OTOG: variants seen among roughly 807,000 people sequenced by gnomAD.
The protein encoded by OTOG is otogelin.
Under a neutral mutation model 313.8 loss-of-function variants are expected in OTOG, and 296 were observed. That is an observed-to-expected ratio of 0.94 (90% CI 0.86 to 1.04). OTOG has a LOEUF of 1.04. Among genes scored for constraint, OTOG ranks in the 50% least tolerant of loss-of-function variants. The probability of loss-of-function intolerance (pLI) is 0.00; values close to 1 mark genes in which losing one functional copy is unlikely to be tolerated. For synonymous variants in OTOG, 1,533 were observed against 1,554.9 expected, an observed-to-expected ratio of 0.99 and a Z score of 0.33; for missense variants, 3,948 against 3,840.1, an observed-to-expected ratio of 1.03 and a Z score of -0.74.
At chr11:17,609,260 A>G in intron 35 of OTOG, 51 bp downstream of exon 35, 4 of 1,489,864 alleles carry the variant, frequency 2.7e-6, no homozygotes, top group Non-Finnish European at 3.7e-6. Context: ...CTAAGTCCCT[A>G]GGGTCTCACT....
chr11:17,593,689 A>G lies in OTOG; in HGVS notation c.3221A>G (p.Gln1074Arg), dbSNP rs562773231. ...VGFFTLVHFP[Q>R]EHITLLWDQR... ...TTTTTCACACTGGTGCATTTCCCAC[A>G]GGAGCACATCACCCTCTTGTGGGAC... Residue 1074 changes from glutamine to arginine, a missense_variant, in exon 27 of 56, where the codon CAG (glutamine) becomes CGG (arginine). Coordinates refer to ENST00000399397, the MANE Select transcript of OTOG (RefSeq NM_001292063.2). The G allele has an allele frequency of 1.0e-5, 16 of 1,548,960 alleles. No homozygotes were observed. Among genetic ancestry groups the G allele is most frequent in the Non-Finnish European group, 1.4e-5 (16 of 1,146,992 alleles).
At chr11:17,639,947 T>C (rs1163684919) in intron 49 of OTOG, among the ~76,000 whole-genome samples, 1 of 129,398 alleles carries the variant, frequency 7.7e-6, no homozygotes, top group Non-Finnish European at 1.6e-5. Flanking sequence ...GATAATGCAA[T>C]GATGGTGGTG....
intron 35 of OTOG, 123 bp downstream of exon 35, chr11:17,609,332 G>A (rs533672878): frequency 1.1e-6 from 1 of 884,068 alleles, no homozygotes; most frequent in Admixed American, 2.3e-5. Flanking sequence ...GGGACCTTTG[G>A]AAAGAGGCAC....
chr11:17,612,182 C>T lies in OTOG; in HGVS notation c.6144C>T (p.Cys2048=), dbSNP rs754783066. The T allele has an allele frequency of 4.5e-6, 7 of 1,549,384 alleles. No individual in the cohort carries two copies. The highest frequency in any genetic ancestry group is 1.4e-5 in the African/African-American group (1 of 73,028). Residue 2048 remains cysteine, a synonymous_variant, in exon 37 of 56, where the codon TGC becomes TGT. Coordinates refer to ENST00000399397, the MANE Select transcript of OTOG (RefSeq NM_001292063.2). ...CCCAGCCAATCGCCGAGCAGGACTG[C>T]GTCCGCCACATCTGCCTGGAGGGCC... ...TTCVPIAEQD[C]VRHICLEGQL...
At chr11:17,580,841 C>CA (rs1219868750) in intron 23 of OTOG, among the ~76,000 whole-genome samples, 1 of 152,158 alleles carries the variant, frequency 6.6e-6, no homozygotes, top group Non-Finnish European at 1.5e-5. Context: ...GTTTTAAGCA[C>CA]AAAAACAGAG....
rs150138913 is a variant in OTOG, at chr11:17,609,169, C to T, written c.4314C>T (p.Val1438=). Reference sequence around the variant, plus strand: ...TCCCTGTGTGCCCCACCCCCCAGGTCCTGGATGAAGTCACACAGAGATGTG... The same window carrying T: ...TCCCTGTGTGCCCCACCCCCCAGGTTCTGGATGAAGTCACACAGAGATGTG... ...GCVPVCPTPQ[V]LDEVTQRCVY... The change falls in exon 35 of 56, where the codon GTC becomes GTT. Residue 1438 remains valine (V), a synonymous_variant. Transcript: ENST00000399397. 1.4e-4 allele frequency: 217 copies of T among 1,550,560 alleles called. No individual in the cohort carries two copies. The African/African-American group carries it at 2.6e-3, about 18-fold the overall frequency.
chr11:17,579,520 C>A lies in OTOG; in HGVS notation c.2759+994C>A, dbSNP rs978887297. Among the ~76,000 whole-genome samples the A allele has an allele frequency of 2.6e-5, 4 of 152,092 alleles. No individual in the cohort carries two copies. The South Asian group carries it at 6.2e-4, about 24-fold the overall frequency. On this transcript the variant is annotated intron_variant, in intron 23 of 55. Transcript: ENST00000399397. ...CTTACTCCAAGCCCAGCCGCTGGCC[C>A]AGAGCACATGAGGTCCGTGATGGTC...
rs756197661 is a variant in OTOG at position 17,613,687 on chromosome 11, C to T, written c.6514C>T (p.Arg2172Cys). The change falls in exon 39 of 56, where the codon CGC (arginine) becomes TGC (cysteine). Residue 2172 changes from arginine to cysteine, a missense_variant. Coordinates refer to ENST00000399397, the MANE Select transcript of OTOG (RefSeq NM_001292063.2). ...CTTGGCCCATCAGGTCACTATTGAT[C>T]GCTTCAACCGAAAGGTGAGTGCATC... ...THLAHQVTID[R>C]FNRKVTVDLQ... 9.7e-6 allele frequency: 15 copies of T among 1,550,632 alleles called. No homozygotes were observed. Among genetic ancestry groups the T allele is most frequent in the Admixed American group, 2.0e-5 (1 of 50,994 alleles).
intron 3 of OTOG, among the ~76,000 whole-genome samples, chr11:17,549,364 A>G (rs775014983): frequency 6.6e-6 from 1 of 152,210 alleles, no homozygotes; most frequent in Non-Finnish European, 1.5e-5. Context: ...CCCTTTGGAA[A>G]TAGACATGAA....
chr11:17,644,555 G>A (rs891242689), intron 54 of OTOG, among the ~76,000 whole-genome samples: 1 of 152,220 alleles, frequency 6.6e-6, no homozygotes, highest in Non-Finnish European at 1.5e-5. Context: ...GGGAGAGACA[G>A]AATAACAAGT....
At chr11:17,638,743 C>T (rs1198807937) in intron 48 of OTOG, 194 bp downstream of exon 48, 11 of 1,544,878 alleles carry the variant, frequency 7.1e-6, no homozygotes, top group Non-Finnish European at 9.6e-6. Flanking sequence ...AGCCTTTTCT[C>T]TCTAGGATAA....
chr11:17,588,190 G>A (rs750209441), intron 24 of OTOG, among the ~76,000 whole-genome samples: 2 of 152,172 alleles, frequency 1.3e-5, no homozygotes, highest in Non-Finnish European at 2.9e-5. Context: ...AGATGGGCAA[G>A]TTTTTACTTT....
chr11:17,597,944 T>C (rs1853153938), intron 30 of OTOG, among the ~76,000 whole-genome samples: 1 of 152,210 alleles, frequency 6.6e-6, no homozygotes, highest in African/African-American at 2.4e-5. Flanking sequence ...TAGGGTACTG[T>C]GAGGTTTAAA....
rs1185407012 is a variant in OTOG at position 17,555,787 on chromosome 11, T to G, written c.549T>G (p.Asn183Lys). The G allele has an allele frequency of 6.5e-7, 1 of 1,550,342 alleles. No homozygotes were observed. The highest frequency in any genetic ancestry group is 2.4e-5 in the East Asian group (1 of 40,930). Reference protein sequence around the residue: ...EGQSFSIQVHNDPQCGSSPYT... With the variant: ...EGQSFSIQVHKDPQCGSSPYT... ...CTGAACTCCCTACTCAGGTACACAATGACCCGCAGTGTGGCTCTTCACCCT... is the reference window on the plus strand; with the variant it reads ...CTGAACTCCCTACTCAGGTACACAAGGACCCGCAGTGTGGCTCTTCACCCT... Residue 183 changes from asparagine to lysine, a missense_variant, in exon 7 of 56, where the codon AAT (asparagine) becomes AAG (lysine). Asn to Lys is a moderately conservative substitution (Grantham distance 94, BLOSUM62 0). Transcript: ENST00000399397.
chr11:17,599,533 A>T (rs995174433), intron 30 of OTOG, 138 bp from the exon 31 acceptor site: 23 of 893,796 alleles, frequency 2.6e-5, no homozygotes, highest in Non-Finnish European at 3.9e-5. Flanking sequence ...GACCATTCCC[A>T]AATCTTGACA....
At chr11:17,593,778 T>C in intron 27 of OTOG, 22 bp downstream of exon 27, 3 of 1,544,662 alleles carry the variant, frequency 1.9e-6, no homozygotes, top group Non-Finnish European at 2.6e-6. Context: ...AGCAGTGACA[T>C]TCTGCTCCTG....
At chr11:17,564,214 C>T (rs868039006) in intron 15 of OTOG, among the ~76,000 whole-genome samples, 5 of 152,222 alleles carry the variant, frequency 3.3e-5, no homozygotes, top group Non-Finnish European at 7.3e-5. Context: ...TAATCAGACC[C>T]TGATCCTATC....
Position 17,593,293 on chromosome 11 carries a change from C to A in OTOG, c.3107C>A (p.Ser1036Ter). Residue 1036 changes from serine to a stop codon, truncating the protein, a stop_gained, in exon 26 of 56, where the codon TCA (serine) becomes TAA (stop). Transcript: ENST00000399397. LOFTEE classifies it high-confidence loss of function. Reference protein sequence around the residue: ...RKFISINVGNSLIVFDDDSGN... With the variant: ...RKFISINVGN Reference sequence around the variant, plus strand: ...TTTATTTCCATCAACGTTGGGAACTCACTCATTGTCTTTGATGATGACTCC... The same window carrying A: ...TTTATTTCCATCAACGTTGGGAACTAACTCATTGTCTTTGATGATGACTCC... 1 of 1,550,648 alleles carries A rather than the reference C, an allele frequency of 6.4e-7. No individual in the cohort carries two copies. The highest frequency in any genetic ancestry group is 8.7e-7 in the Non-Finnish European group (1 of 1,147,002).
intron 8 of OTOG, 143 bp downstream of exon 8, chr11:17,557,466 T>A: frequency 1.3e-6 from 1 of 778,914 alleles, no homozygotes; most frequent in Non-Finnish European, 2.0e-6. Context: ...CAAGGACCCC[T>A]TCCTAACAAA....
Sources: gnomAD v4.1 joint callset for allele counts (sites outside exome capture counted in the v4.1 genomes callset) on GRCh38, gnomAD v4.1.1 for gene constraint, MANE v1.5 for transcripts, NCBI Gene and HGNC (gene_info 2026-07-23, HGNC 2026-07-21) for gene names.